Variants in GEMIN8 observed in about 807,000 individuals in gnomAD.
The protein encoded by GEMIN8 is gem-associated protein 8.
For synonymous variants in GEMIN8, 80 were observed against 78.5 expected (o/e 1.02, Z -0.10); for missense variants, 185 against 205.9 (o/e 0.90, Z 0.62).
intron 4 of GEMIN8, among the ~76,000 whole-genome samples, chrX:14,014,734 G>A (rs1923798789): frequency 8.9e-6 from 1 of 112,022 alleles, no homozygotes. Context: ...TGGACACAGT[G>A]TAATGGAGCA....
intron 2 of GEMIN8, among the ~76,000 whole-genome samples, chrX:14,025,490 A>T (rs377098820): frequency 8.9e-6 from 1 of 111,838 alleles, no homozygotes; most frequent in Admixed American, 9.5e-5. Context: ...CTCTGAATAT[A>T]CTGAGCATCC....
At chrX:13,998,579 T>A in the GEMIN8 span, among the ~76,000 whole-genome samples, 433 of 110,708 alleles carry the variant, frequency 3.9e-3, 3 homozygotes, top group African/African-American at 0.012. Flanking sequence ...ATATTTTTTT[T>A]AAAAAAATAA....
intron 4 of GEMIN8, chrX:14,013,847 G>T: frequency 3.4e-6 from 1 of 294,734 alleles, no homozygotes; most frequent in Non-Finnish European, 4.5e-6. Flanking sequence ...GCCCTGGGAG[G>T]CTAATACAAG....
chrX:14,005,455 G>A (rs891520964), downstream of GEMIN8, among the ~76,000 whole-genome samples: 2 of 111,829 alleles, frequency 1.8e-5, no homozygotes, highest in Non-Finnish European at 3.8e-5. Context: ...GAAGGGCTGC[G>A]TGCTCAGAGA....
chrX:14,003,572 CTG>C (rs779354227), downstream of GEMIN8, among the ~76,000 whole-genome samples: 2 of 112,207 alleles, frequency 1.8e-5, no homozygotes, highest in East Asian at 2.8e-4. Context: ...TATTTATGGT[CTG>C]TATTTATCAT....
downstream of GEMIN8, among the ~76,000 whole-genome samples, chrX:14,004,789 C>A (rs984860627): frequency 8.1e-5 from 9 of 111,658 alleles, no homozygotes; most frequent in South Asian, 3.8e-4. Context: ...TCTCGAACTC[C>A]TGGCCTCAAG....
the GEMIN8 span, among the ~76,000 whole-genome samples, chrX:13,994,766 C>T: frequency 4.5e-5 from 5 of 112,289 alleles, no homozygotes; most frequent in African/African-American, 6.5e-5. Context: ...TTGTGGTCAG[C>T]ATATATGAAT....
chrX:14,024,010 G>C (rs968785677), intron 2 of GEMIN8, among the ~76,000 whole-genome samples: 2 of 112,463 alleles, frequency 1.8e-5, no homozygotes, highest in African/African-American at 6.5e-5. Flanking sequence ...CTTGTTTTTA[G>C]TTATAATTGG....
intron 4 of GEMIN8, among the ~76,000 whole-genome samples, chrX:14,018,463 A>G (rs191040600): frequency 8.9e-6 from 1 of 112,140 alleles, no homozygotes; most frequent in African/African-American, 3.2e-5. Flanking sequence ...TCTAGTGGGC[A>G]AAACATGTTA....
chrX:13,996,312 A>T, the GEMIN8 span, among the ~76,000 whole-genome samples: 1 of 111,875 alleles, frequency 8.9e-6, no homozygotes, highest in Non-Finnish European at 1.9e-5. Context: ...GGCTAATTGT[A>T]TATCTGTATT....
intron 2 of GEMIN8, among the ~76,000 whole-genome samples, chrX:14,023,963 A>G (rs1924529819): frequency 8.9e-6 from 1 of 112,544 alleles, no homozygotes; most frequent in Admixed American, 9.4e-5. Flanking sequence ...AATATGGAAT[A>G]AACACCATTG....
At chrX:14,000,478 T>C in the GEMIN8 span, among the ~76,000 whole-genome samples, 1 of 109,269 alleles carries the variant, frequency 9.2e-6, no homozygotes, top group East Asian at 2.9e-4. Flanking sequence ...GCGCCTGTAC[T>C]CCCAGCTTCT....
chrX:14,004,021 C>T (rs1923059837), downstream of GEMIN8, among the ~76,000 whole-genome samples: 2 of 112,134 alleles, frequency 1.8e-5, no homozygotes, highest in Middle Eastern at 4.6e-3. Flanking sequence ...GATAGAAAAA[C>T]CCCCTTTGAG....
intron 2 of GEMIN8, chrX:14,025,919 G>A (rs767780725): frequency 5.0e-6 from 1 of 199,575 alleles, no homozygotes; most frequent in South Asian, 2.4e-4. Flanking sequence ...AGATAGGTCC[G>A]ATTAGCTTTT....
chrX:13,990,730 G>T, the GEMIN8 span, among the ~76,000 whole-genome samples: 1 of 112,357 alleles, frequency 8.9e-6, no homozygotes, highest in African/African-American at 3.2e-5. Context: ...ATACTCTTCT[G>T]CACTTTGCTT....
intron 3 of GEMIN8, 189 bp from the exon 4 acceptor site, chrX:14,020,723 G>A: frequency 2.4e-6 from 1 of 425,387 alleles, no homozygotes; most frequent in South Asian, 3.6e-5. Context: ...GACACCAAGT[G>A]TATGCACACT....
downstream of GEMIN8, among the ~76,000 whole-genome samples, chrX:14,006,323 C>G (rs1239583976): frequency 9.0e-6 from 1 of 111,075 alleles, no homozygotes; most frequent in Admixed American, 9.6e-5. Flanking sequence ...GCCACCGCTC[C>G]CGGCCTGAGC....
At chrX:13,988,163 G>A in the GEMIN8 span, among the ~76,000 whole-genome samples, 1 of 110,636 alleles carries the variant, frequency 9.0e-6, no homozygotes, top group Non-Finnish European at 1.9e-5. Flanking sequence ...GATTCTTTCT[G>A]TCCTCTCCTT....
intron 4 of GEMIN8, among the ~76,000 whole-genome samples, chrX:14,015,003 C>G (rs1217389426): frequency 8.9e-6 from 1 of 111,734 alleles, no homozygotes; most frequent in Non-Finnish European, 1.9e-5. Context: ...TGAACCACAC[C>G]ATAGACACTC....
Sources: gnomAD v4.1 joint callset for allele counts (sites outside exome capture counted in the v4.1 genomes callset) on GRCh38, gnomAD v4.1.1 for gene constraint, MANE v1.5 for transcripts, NCBI Gene and HGNC (gene_info 2026-07-23, HGNC 2026-07-21) for gene names.